METTL15: variants seen among roughly 807,000 people sequenced by gnomAD.
The protein encoded by METTL15 is 12S rRNA N(4)-cytidine methyltransferase METTL15.
Under a neutral mutation model 38.3 loss-of-function variants are expected in METTL15, and 34 were observed. The ratio of observed to expected loss-of-function variants is 0.89; its 90% CI spans 0.68 to 1.18. METTL15 has a LOEUF of 1.18. Among genes scored for constraint, METTL15 ranks in the 50% most tolerant of loss-of-function variants. The pLI is 0.00. For synonymous variants in METTL15, 162 were observed against 170.9 expected, an observed-to-expected ratio of 0.95 and a Z score of 0.41; for missense variants, 438 against 498.4, an observed-to-expected ratio of 0.88 and a Z score of 1.15.
chr11:28,447,834 T>G (rs1414976031), intron 6 of METTL15, among the ~76,000 whole-genome samples: 1 of 152,134 alleles, frequency 6.6e-6, no homozygotes, highest in Non-Finnish European at 1.5e-5. Context: ...TTTCTCTTAT[T>G]TATGCATGCC....
chr11:28,388,050 C>T (rs1850459580), intron 5 of METTL15, among the ~76,000 whole-genome samples: 1 of 53,362 alleles, frequency 1.9e-5, no homozygotes, highest in Non-Finnish European at 6.2e-5. Flanking sequence ...TAAATTACCT[C>T]AACATAATAA....
intron 4 of METTL15, among the ~76,000 whole-genome samples, chr11:28,276,759 C>T (rs984170416): frequency 2.6e-5 from 4 of 152,056 alleles, no homozygotes; most frequent in Non-Finnish European, 5.9e-5. Flanking sequence ...GAATAGAGAA[C>T]TCAGAAATAA....
At chr11:28,410,417 A>G (rs1173488904) in intron 5 of METTL15, among the ~76,000 whole-genome samples, 1 of 152,156 alleles carries the variant, frequency 6.6e-6, no homozygotes, top group East Asian at 1.9e-4. Flanking sequence ...CAAAGAGACT[A>G]TACATTATGA....
chr11:28,210,178 A>G (rs550148943), intron 3 of METTL15, among the ~76,000 whole-genome samples: 4 of 152,160 alleles, frequency 2.6e-5, no homozygotes, highest in South Asian at 2.1e-4. Flanking sequence ...TTCAGATTCA[A>G]TTAACCATAC....
chr11:28,234,303 C>A (rs112787588), intron 4 of METTL15, among the ~76,000 whole-genome samples: 1 of 151,678 alleles, frequency 6.6e-6, no homozygotes, highest in Non-Finnish European at 1.5e-5. Context: ...GATTTATAGT[C>A]CTTTGGGTAT....
At chr11:28,229,686 G>T (rs1442107230) in intron 4 of METTL15, among the ~76,000 whole-genome samples, 1 of 151,922 alleles carries the variant, frequency 6.6e-6, no homozygotes, top group African/African-American at 2.4e-5. Flanking sequence ...CTGGCATTTT[G>T]ATCTTGGACT....
At chr11:28,498,159 G>C (rs1851551719) in intron 6 of METTL15, among the ~76,000 whole-genome samples, 2 of 151,896 alleles carry the variant, frequency 1.3e-5, no homozygotes, top group African/African-American at 4.8e-5. Context: ...ACCACATTGG[G>C]GATTACATTT....
chr11:28,137,176 A>G (rs1849542835), intron 3 of METTL15, among the ~76,000 whole-genome samples: 1 of 152,180 alleles, frequency 6.6e-6, no homozygotes, highest in African/African-American at 2.4e-5. Flanking sequence ...TTCTATTTCA[A>G]TGCGCAATTT....
At chr11:28,375,590 A>C (rs1850300468) in intron 5 of METTL15, among the ~76,000 whole-genome samples, 1 of 151,528 alleles carries the variant, frequency 6.6e-6, no homozygotes, top group African/African-American at 2.4e-5. Context: ...GCAGTCTATC[A>C]ATTTTGTTGA....
At chr11:28,272,342 G>T (rs1173726772) in intron 4 of METTL15, among the ~76,000 whole-genome samples, 2 of 152,176 alleles carry the variant, frequency 1.3e-5, no homozygotes, top group Non-Finnish European at 2.9e-5. Context: ...TGATAGACTG[G>T]ATAAAGAAAA....
At chr11:28,139,262 C>T (rs1355721288) in intron 3 of METTL15, among the ~76,000 whole-genome samples, 1 of 151,838 alleles carries the variant, frequency 6.6e-6, no homozygotes, top group Admixed American at 6.6e-5. Flanking sequence ...TTTTTTTTCC[C>T]TCAAAGGAAT....
chr11:28,201,498 A>G (rs1412380775), intron 3 of METTL15, among the ~76,000 whole-genome samples: 3 of 151,512 alleles, frequency 2.0e-5, no homozygotes, highest in Non-Finnish European at 4.4e-5. Flanking sequence ...TTGACTGTGA[A>G]CCCATCTGGT....
At chr11:28,264,622 G>A (rs1376385582) in intron 4 of METTL15, among the ~76,000 whole-genome samples, 4 of 152,028 alleles carry the variant, frequency 2.6e-5, no homozygotes, top group Non-Finnish European at 2.9e-5. Flanking sequence ...TTTCCCCTGG[G>A]TATTAGAGGA....
intron 6 of METTL15, among the ~76,000 whole-genome samples, chr11:28,468,345 G>A (rs1176349774): frequency 5.9e-5 from 9 of 152,078 alleles, no homozygotes; most frequent in African/African-American, 1.7e-4. Context: ...ATAAAAACAC[G>A]GTGAGGAGAA....
intron 3 of METTL15, among the ~76,000 whole-genome samples, chr11:28,135,052 G>A (rs1259887070): frequency 6.6e-6 from 1 of 152,104 alleles, no homozygotes; most frequent in Non-Finnish European, 1.5e-5. Context: ...GCCAGTTATT[G>A]CTGGTTGGTT....
chr11:28,513,778 C>T (rs1023200028), intron 6 of METTL15, among the ~76,000 whole-genome samples: 1 of 152,222 alleles, frequency 6.6e-6, no homozygotes, highest in African/African-American at 2.4e-5. Context: ...TAGGAACATG[C>T]CCTTAAGGCA....
At chr11:28,515,209 A>G (rs1305243631) in intron 6 of METTL15, among the ~76,000 whole-genome samples, 1 of 152,146 alleles carries the variant, frequency 6.6e-6, no homozygotes, top group African/African-American at 2.4e-5. Context: ...TAAATAGGAG[A>G]ACCAAATCAT....
chr11:28,146,456 T>C (rs985943969), intron 3 of METTL15, among the ~76,000 whole-genome samples: 15 of 152,164 alleles, frequency 9.9e-5, no homozygotes, highest in Non-Finnish European at 1.8e-4. Flanking sequence ...TTTTGTCTTT[T>C]GGCAACTTGC....
intron 4 of METTL15, among the ~76,000 whole-genome samples, chr11:28,283,154 G>A (rs1039854251): frequency 2.8e-4 from 43 of 152,218 alleles, no homozygotes; most frequent in African/African-American, 9.9e-4. Context: ...ACGAATAGAT[G>A]TTTTTCTTCC....
Sources: gnomAD v4.1 joint callset for allele counts (sites outside exome capture counted in the v4.1 genomes callset) on GRCh38, gnomAD v4.1.1 for gene constraint, MANE v1.5 for transcripts, NCBI Gene and HGNC (gene_info 2026-07-23, HGNC 2026-07-21) for gene names.